The following MYH15 variants were observed in gnomAD, a reference collection of about 807,000 sequenced individuals.
MYH15 encodes the protein myosin heavy chain 15.
Under a neutral mutation model 240.5 loss-of-function variants are expected in MYH15, and 227 were observed. The ratio of observed to expected loss-of-function variants is 0.94; its 90% CI spans 0.85 to 1.05. The LOEUF (loss-of-function observed/expected upper bound fraction) is 1.05. Ranked by LOEUF, MYH15 falls within the 50% of genes least tolerant of loss-of-function variation. MYH15 has a pLI of 0.00. For missense variants in MYH15, 2,217 were observed against 2,247.5 expected, an observed-to-expected ratio of 0.99 and a Z score of 0.27; for synonymous variants, 785 against 796.7, an observed-to-expected ratio of 0.99 and a Z score of 0.25.
At chr3:108,493,565 T>A (rs1009340965) in intron 7 of MYH15, among the ~76,000 whole-genome samples, 7 of 152,198 alleles carry the variant, frequency 4.6e-5, no homozygotes, top group Non-Finnish European at 2.9e-5. Context: ...CAACAAACAT[T>A]CATTGAGCAT....
In MYH15 at chr3:108,428,821, C is replaced by T. The variant is rs1310006371; in HGVS notation, c.3373G>A (p.Glu1125Lys). 6.2e-7 allele frequency: 1 copy of T among 1,614,044 alleles called. No homozygotes were observed. The highest frequency in any genetic ancestry group is 8.5e-7 in the Non-Finnish European group (1 of 1,179,982). Residue 1125 changes from glutamate to lysine, a missense_variant, in exon 27 of 41, where the codon GAA (glutamate) becomes AAA (lysine). By Grantham distance (56) the Glu-to-Lys change is moderately conservative (BLOSUM62 1). Coordinates refer to ENST00000693548, the MANE Select transcript of MYH15 (RefSeq NM_014981.3). ...EAERTTRAKMERERADLTQDL... is the reference protein window; with the variant it reads ...EAERTTRAKMKRERADLTQDL... ...TGGGTGAGGTCAGCTCTCTCCCTTT[C>T]CATCTTGGCTCGAGTGGTCCTTTCA...
At chr3:108,387,003 G>T (rs1263678728) in intron 38 of MYH15, among the ~76,000 whole-genome samples, 3 of 152,092 alleles carry the variant, frequency 2.0e-5, no homozygotes, top group Non-Finnish European at 4.4e-5. Context: ...GTGCTGGAGA[G>T]AGAAAATAGG....
intron 38 of MYH15, among the ~76,000 whole-genome samples, chr3:108,388,105 T>C (rs2082397188): frequency 6.6e-6 from 1 of 152,006 alleles, no homozygotes; most frequent in Non-Finnish European, 1.5e-5. Context: ...TCATGTGCAG[T>C]GTGAGATAGC....
intron 26 of MYH15, among the ~76,000 whole-genome samples, chr3:108,429,223 A>G (rs2082755271): frequency 6.6e-6 from 1 of 152,358 alleles, no homozygotes; most frequent in Middle Eastern, 3.4e-3. Context: ...TTGGAATGGT[A>G]AATTTTATAT....
At chr3:108,526,093 C>T (rs986436275) in intron 1 of MYH15, among the ~76,000 whole-genome samples, 5 of 152,060 alleles carry the variant, frequency 3.3e-5, no homozygotes, top group African/African-American at 4.8e-5. Flanking sequence ...TTCAGAAGGA[C>T]GACTTCTTCC....
At chr3:108,433,860 A>G (rs2082802643) in intron 25 of MYH15, among the ~76,000 whole-genome samples, 1 of 152,186 alleles carries the variant, frequency 6.6e-6, no homozygotes, top group Admixed American at 6.5e-5. Context: ...ACATGAAAAC[A>G]AACTAATGTC....
At chr3:108,459,769 T>C (rs1026307288) in intron 17 of MYH15, among the ~76,000 whole-genome samples, 2 of 152,200 alleles carry the variant, frequency 1.3e-5, no homozygotes, top group Non-Finnish European at 2.9e-5. Context: ...TCTCTCTCTG[T>C]GGAAAACCTT....
At chr3:108,391,464 G>A (rs2082422151) in intron 37 of MYH15, among the ~76,000 whole-genome samples, 1 of 152,182 alleles carries the variant, frequency 6.6e-6, no homozygotes, top group Non-Finnish European at 1.5e-5. Context: ...GGAAACACCA[G>A]GTAGCCTTGG....
rs750956706 is a variant in MYH15 at position 108,441,127 on chromosome 3, G to A, written c.2789C>T (p.Ala930Val). The A allele has an allele frequency of 4.3e-6, 7 of 1,614,088 alleles. No individual in the cohort carries two copies. In the Admixed American group the frequency reaches 1.2e-4, roughly 27 times the overall value. Residue 930 changes from alanine to valine, a missense_variant, in exon 23 of 41, where the codon GCC becomes GTC. Physicochemically the swap from Ala to Val is moderately conservative, Grantham distance 64. Transcript: ENST00000693548. ...TTCATCTTCGAGTTTCCGCCCCCTG[G>A]CAGTCAGCTCAGAATTTATCTCCTC... is the stretch of plus-strand genomic sequence containing the variant. ...EEEEINSELT[A>V]RGRKLEDECF...
intron 17 of MYH15, 45 bp from the exon 18 acceptor site, chr3:108,459,494 C>A (rs777369171): frequency 8.6e-7 from 1 of 1,169,460 alleles, no homozygotes; most frequent in Admixed American, 2.1e-5. Context: ...TTGCAAATCA[C>A]TAAAAACACC....
chr3:108,416,804 T>C lies in MYH15; in HGVS notation c.3948+8A>G. On this transcript the variant is annotated splice_region_variant and intron_variant, in intron 29 of 40. Transcript: ENST00000693548. ...CAAGAAACTAGTGAGAAATAATAGATACATTACTTTGGTCTCCTTTTCCAG... is the reference window on the plus strand; with the variant it reads ...CAAGAAACTAGTGAGAAATAATAGACACATTACTTTGGTCTCCTTTTCCAG... 6.3e-7 allele frequency: 1 copy of C among 1,592,914 alleles called. No homozygotes were observed. Among genetic ancestry groups the C allele is most frequent in the Non-Finnish European group, 8.6e-7 (1 of 1,161,846 alleles).
At position 108,410,862 on chromosome 3, in the gene MYH15, A is replaced by G; in HGVS notation, c.4216T>C (p.Leu1406=). The change falls in exon 31 of 41, where the codon TTG becomes CTG. Residue 1406 remains leucine (L), a synonymous_variant. Transcript: ENST00000693548. The part of the protein sequence containing the change: ...MGVANARNAS[L]ERARHQLQLE... ...TGCAGCTGGTGCCTGGCTCTCTCCA[A>G]GGAGGCATTTCTGGCATTGGCCACC... 1 of 1,612,964 alleles carries G rather than the reference A, an allele frequency of 6.2e-7. No homozygotes were observed. The highest frequency in any genetic ancestry group is 8.5e-7 in the Non-Finnish European group (1 of 1,178,996).
intron 1 of MYH15, among the ~76,000 whole-genome samples, chr3:108,517,970 A>G (rs2083587529): frequency 6.6e-6 from 1 of 152,212 alleles, no homozygotes; most frequent in Non-Finnish European, 1.5e-5. Flanking sequence ...TCAAGGAGGC[A>G]TAACGCTCTC....
chr3:108,537,134 T>C, the MYH15 span, among the ~76,000 whole-genome samples: 1 of 152,310 alleles, frequency 6.6e-6, no homozygotes, highest in Admixed American at 6.5e-5. Flanking sequence ...GCTAAATCTA[T>C]ATTTTGACTA....
chr3:108,426,726 A>G (rs2082727551), intron 27 of MYH15, among the ~76,000 whole-genome samples: 1 of 152,112 alleles, frequency 6.6e-6, no homozygotes, highest in Non-Finnish European at 1.5e-5. Context: ...GCTGCCCCCA[A>G]CACCCCAGAC....
rs78306560 is a variant in MYH15, at chr3:108,487,532, T to C, written c.872-1006A>G. ...TAAAATAAGCCTGACAAGAAGAATA[T>C]ACACTCTATGATTTTGTCTTTAAAC... On this transcript the variant is annotated intron_variant, in intron 9 of 40. Coordinates refer to ENST00000693548, the MANE Select transcript of MYH15 (RefSeq NM_014981.3). 2.8e-3 allele frequency among the ~76,000 whole-genome samples: 428 copies of C among 152,278 alleles called. 2 individuals carry two copies. The highest frequency in any genetic ancestry group is 9.7e-3 in the African/African-American group (401 of 41,548).
At chr3:108,480,971 T>G (rs931177768) in intron 11 of MYH15, among the ~76,000 whole-genome samples, 11 of 152,158 alleles carry the variant, frequency 7.2e-5, no homozygotes, top group Admixed American at 3.9e-4. Context: ...GCTTAATATA[T>G]TAAGAACCCT....
chr3:108,510,595 A>G lies in MYH15; in HGVS notation c.-65T>C. ...GAGTAGGCAAGATTCAACCTGAAAA[A>G]AAAAAATTGATACAGAGAAGAAAAA... On this transcript the variant is annotated 5_prime_UTR_variant, in exon 1 of 41. Coordinates refer to ENST00000693548, the MANE Select transcript of MYH15 (RefSeq NM_014981.3). 1 of 1,596,666 alleles carries G rather than the reference A, an allele frequency of 6.3e-7. No individual in the cohort carries two copies. The highest frequency in any genetic ancestry group is 2.2e-5 in the East Asian group (1 of 44,802).
At chr3:108,500,664 T>C (rs1289120152) in intron 3 of MYH15, among the ~76,000 whole-genome samples, 1 of 152,202 alleles carries the variant, frequency 6.6e-6, no homozygotes, top group Non-Finnish European at 1.5e-5. Flanking sequence ...CTAGCTCATG[T>C]GGGTCACTCA....
Sources: allele counts gnomAD v4.1 joint callset (sites outside exome capture counted in the v4.1 genomes callset), GRCh38; gene constraint gnomAD v4.1.1; transcripts MANE v1.5; gene names NCBI Gene and HGNC (gene_info 2026-07-23, HGNC 2026-07-21).